NTMT1: variants seen among roughly 807,000 people sequenced by gnomAD.
NTMT1 encodes the protein N-terminal RCC1 methyltransferase.
NTMT1 carries 8 observed loss-of-function variants against 17.5 expected under a neutral mutation model. That is an observed-to-expected ratio of 0.46 (90% CI 0.27 to 0.82). The LOEUF (loss-of-function observed/expected upper bound fraction) is 0.82, where lower values mean the gene tolerates loss of function less well. Among genes scored for constraint, NTMT1 ranks in the 40% least tolerant of loss-of-function variants. The pLI, the probability that NTMT1 is intolerant of heterozygous loss-of-function variation, is 0.15. For synonymous variants in NTMT1, 128 were observed against 126.8 expected, an observed-to-expected ratio of 1.01 and a Z score of -0.06; for missense variants, 221 against 303.5, an observed-to-expected ratio of 0.73 and a Z score of 2.02.
chr9:129,616,246 C>T (rs976903824), intron 1 of NTMT1, among the ~76,000 whole-genome samples: 9 of 152,214 alleles, frequency 5.9e-5, no homozygotes, highest in African/African-American at 1.7e-4. Flanking sequence ...GACAGATTCT[C>T]GCTCTGTGGC....
At chr9:129,631,554 G>A (rs1284831415) in intron 1 of NTMT1, among the ~76,000 whole-genome samples, 3 of 152,156 alleles carry the variant, frequency 2.0e-5, no homozygotes, top group Non-Finnish European at 2.9e-5. Flanking sequence ...CATCTCCACC[G>A]CCGCCAGCAG....
At chr9:129,631,393 G>A (rs555827624) in intron 1 of NTMT1, among the ~76,000 whole-genome samples, 1 of 152,374 alleles carries the variant, frequency 6.6e-6, no homozygotes, top group South Asian at 2.1e-4. Context: ...GGAAGCTTAT[G>A]GCAGAATGGC....
intron 1 of NTMT1, among the ~76,000 whole-genome samples, chr9:129,618,889 T>C (rs1830528326): frequency 6.8e-6 from 1 of 147,018 alleles, no homozygotes; most frequent in Non-Finnish European, 1.5e-5. Context: ...TTTTTTTGTA[T>C]ATTTTTAGTA....
chr9:129,630,765 G>A (rs754786111), intron 1 of NTMT1, among the ~76,000 whole-genome samples: 1 of 152,240 alleles, frequency 6.6e-6, no homozygotes, highest in Non-Finnish European at 1.5e-5. Context: ...CGTGCGAGGC[G>A]GTGAGCTGCA....
At chr9:129,616,024 G>C (rs986118221) in intron 1 of NTMT1, among the ~76,000 whole-genome samples, 3 of 152,196 alleles carry the variant, frequency 2.0e-5, no homozygotes, top group African/African-American at 7.2e-5. Flanking sequence ...GAGAGAATAA[G>C]AATGCCAGCC....
rs536314895 is a variant in NTMT1 at position 129,633,346 on chromosome 9, A to C, written c.162+481A>C. 309 of 257,656 alleles carry C rather than the reference A, an allele frequency of 1.2e-3. 1 individual carries two copies. The highest frequency in any genetic ancestry group is 2.0e-3 in the Non-Finnish European group (268 of 136,982). 16.0% of individuals were successfully genotyped at this position (257,656 alleles called of 1,614,324 possible). ...CTGGCACTGGAGGCTGCTGTTGGCC[A>C]CCTGCTCCATCCAGCGCCTCCCCTC... On this transcript the variant is annotated intron_variant, in intron 2 of 3. Coordinates refer to ENST00000372483, the MANE Select transcript of NTMT1 (RefSeq NM_014064.4).
upstream of NTMT1, among the ~76,000 whole-genome samples, chr9:129,622,597 G>T (rs1169554615): frequency 6.6e-6 from 1 of 152,132 alleles, no homozygotes; most frequent in Non-Finnish European, 1.5e-5. Context: ...AAATGTGTGT[G>T]TATACTATGA....
upstream of NTMT1, among the ~76,000 whole-genome samples, chr9:129,624,714 C>A (rs1448013854): frequency 1.3e-5 from 2 of 152,234 alleles, no homozygotes; most frequent in African/African-American, 4.8e-5. Flanking sequence ...ATTGCAACTT[C>A]TGCCTCCTAG....
rs1340799229 is a variant in NTMT1, at chr9:129,635,282, G to A, written c.490G>A (p.Val164Ile). ...KGSLRPNGII[V>I]IKDNMAQEGV... is the part of the protein sequence containing the mutation. ...CAGCCTCCGCCCCAACGGCATCATCGTCATCAAAGACAACATGGCCCAGGA... is the reference window on the plus strand; with the variant it reads ...CAGCCTCCGCCCCAACGGCATCATCATCATCAAAGACAACATGGCCCAGGA... The change falls in exon 4 of 4, where the codon GTC (valine) becomes ATC (isoleucine). Residue 164 changes from valine to isoleucine, a missense_variant. By Grantham distance (29) the Val-to-Ile change is conservative. Coordinates refer to ENST00000372483, the MANE Select transcript of NTMT1 (RefSeq NM_014064.4). The A allele has an allele frequency of 9.3e-6, 15 of 1,613,452 alleles. No homozygotes were observed. Among genetic ancestry groups the A allele is most frequent in the Admixed American group, 6.7e-5 (4 of 60,004 alleles).
At chr9:129,617,368 G>A (rs989420417) in intron 1 of NTMT1, among the ~76,000 whole-genome samples, 9 of 152,184 alleles carry the variant, frequency 5.9e-5, no homozygotes, top group Non-Finnish European at 4.4e-5. Flanking sequence ...CTGGCTGCTG[G>A]GCCAGGCAAA....
At chr9:129,615,116 C>T (rs1409872695) in intron 1 of NTMT1, among the ~76,000 whole-genome samples, 3 of 152,222 alleles carry the variant, frequency 2.0e-5, no homozygotes, top group African/African-American at 7.2e-5. Flanking sequence ...CTTCCAATGG[C>T]ATCTGGACCT....
At chr9:129,630,438 A>G (rs1474371197) in intron 1 of NTMT1, among the ~76,000 whole-genome samples, 1 of 152,170 alleles carries the variant, frequency 6.6e-6, no homozygotes, top group Non-Finnish European at 1.5e-5. Context: ...CTAAAAAAAA[A>G]GAAGAAAAAA....
Position 129,613,707 on chromosome 9 carries a change from G to T in NTMT1, c.-55+4529G>T. ...GGGCCGGTCAGAGCCCTGTCTCCAT[G>T]GCAACCCCAGGCTCCCCAGCGCCTT... On this transcript the variant is annotated intron_variant, in intron 1 of 3. Transcript: ENST00000372486. This position sits in a 1 kb window ranked among gnomAD's most constrained non-coding sequence, Gnocchi z 6.2. 2 of 1,355,232 alleles carry T rather than the reference G, an allele frequency of 1.5e-6. No individual in the cohort carries two copies. The allele number at this position is 1,355,232 out of a possible 1,614,324, so 84.0% of individuals were successfully genotyped here. A position where few individuals can be genotyped will look rare whatever the true frequency, so the allele number is the denominator to read the frequency against.
In NTMT1 at chr9:129,613,287, C is replaced by CT. The variant is rs1564332253; in HGVS notation, c.-55+4110dup. The CT allele has an allele frequency of 8.9e-6, 14 of 1,576,384 alleles. No homozygotes were observed. Among genetic ancestry groups the CT allele is most frequent in the South Asian group, 7.0e-5 (6 of 86,224 alleles). On this transcript the variant is annotated intron_variant, in intron 1 of 3. Coordinates refer to the NTMT1 transcript ENST00000372486. This position sits in a 1 kb window ranked among gnomAD's most constrained non-coding sequence, Gnocchi z 6.2. ...CAGGACCCCATGAGCTTCCTGGACTCTGAGTCCCCGGCCCACCCATGGCTG... is the reference window on the plus strand; with the variant it reads ...CAGGACCCCATGAGCTTCCTGGACTCTTGAGTCCCCGGCCCACCCATGGCTG...
At chr9:129,609,439 T>G (rs1830064883) in intron 1 of NTMT1, among the ~76,000 whole-genome samples, 1 of 151,430 alleles carries the variant, frequency 6.6e-6, no homozygotes, top group African/African-American at 2.4e-5. Context: ...GGTTGGAGGG[T>G]GCGCCTGCCT....
At chr9:129,625,375 G>C (rs1426095230), upstream of NTMT1, among the ~76,000 whole-genome samples, 1 of 152,118 alleles carries the variant, frequency 6.6e-6, no homozygotes, top group African/African-American at 2.4e-5. Context: ...TAATGGAGAT[G>C]GGTGGATTTG....
At chr9:129,630,158 G>A (rs1452956493) in intron 1 of NTMT1, among the ~76,000 whole-genome samples, 2 of 152,104 alleles carry the variant, frequency 1.3e-5, no homozygotes, top group African/African-American at 4.8e-5. Context: ...ATAGTTCTGG[G>A]GCCAGTAACA....
chr9:129,625,982 A>G (rs1490383009), upstream of NTMT1, among the ~76,000 whole-genome samples: 1 of 150,014 alleles, frequency 6.7e-6, no homozygotes, highest in African/African-American at 2.5e-5. Flanking sequence ...ACTGCACTCC[A>G]GCCTGCTTGA....
intron 1 of NTMT1, among the ~76,000 whole-genome samples, chr9:129,618,868 GT>G (rs34259203): frequency 0.54 from 69,551 of 128,060 alleles, 17,833 homozygotes; most frequent in Non-Finnish European, 0.57. Flanking sequence ...AATTTTTTGT[GT>G]TTTTTTTTTT....
Sources: gnomAD v4.1 joint callset for allele counts (sites outside exome capture counted in the v4.1 genomes callset) on GRCh38, gnomAD v4.1.1 for gene constraint, Gnocchi (gnomAD v3.1) non-coding constraint, MANE v1.5 for transcripts, NCBI Gene and HGNC (gene_info 2026-07-23, HGNC 2026-07-21) for gene names.